LIX1L: variants seen among roughly 807,000 people sequenced by gnomAD.
LIX1L encodes the protein limb and CNS expressed 1 like.
Under a neutral mutation model 34.0 loss-of-function variants are expected in LIX1L, and 20 were observed. The observed-to-expected ratio is 0.59, with a 90% CI of 0.41 to 0.85. The LOEUF (loss-of-function observed/expected upper bound fraction) is 0.85, where lower values mean the gene tolerates loss of function less well. Ranked by LOEUF, LIX1L falls within the 40% of genes least tolerant of loss-of-function variation. LIX1L has a pLI of 0.00. For missense variants in LIX1L, 397 were observed against 447.0 expected, an observed-to-expected ratio of 0.89 and a Z score of 1.01; for synonymous variants, 170 against 187.4, an observed-to-expected ratio of 0.91 and a Z score of 0.76.
intron 1 of LIX1L, 73 bp downstream of exon 1, chr1:145,957,563 C>G: frequency 2.8e-5 from 38 of 1,377,330 alleles, no homozygotes; most frequent in Non-Finnish European, 3.4e-5. Flanking sequence ...CCAGGAAAAG[C>G]GATCCGGAGG....
At chr1:145,940,787 G>A (rs587687816) in intron 3 of LIX1L, among the ~76,000 whole-genome samples, 158 of 150,378 alleles carry the variant, frequency 1.1e-3, no homozygotes, top group African/African-American at 3.6e-3. Flanking sequence ...TCTTGACCTC[G>A]TGATCTGCCC....
chr1:145,936,600 T>C (rs781942223), intron 5 of LIX1L, 48 bp from the exon 6 acceptor site: 20 of 1,607,394 alleles, frequency 1.2e-5, no homozygotes, highest in Non-Finnish European at 1.6e-5. Flanking sequence ...TAAAGGTTCA[T>C]ATCATACCAC....
chr1:145,955,279 G>A (rs1649433230), intron 1 of LIX1L, among the ~76,000 whole-genome samples: 1 of 152,136 alleles, frequency 6.6e-6, no homozygotes. Context: ...GGGTGAGGGA[G>A]GCAGATAAAG....
chr1:145,957,356 G>C (rs1649509314), intron 1 of LIX1L, among the ~76,000 whole-genome samples: 1 of 152,198 alleles, frequency 6.6e-6, no homozygotes, highest in African/African-American at 2.4e-5. Flanking sequence ...GCTGGAGGAG[G>C]AATTCCATTT....
intron 1 of LIX1L, among the ~76,000 whole-genome samples, chr1:145,956,158 G>T (rs1649466286): frequency 6.6e-6 from 1 of 152,172 alleles, no homozygotes; most frequent in Non-Finnish European, 1.5e-5. Flanking sequence ...TTCCTCATGA[G>T]TTTCAGATTC....
intron 3 of LIX1L, among the ~76,000 whole-genome samples, chr1:145,938,354 T>A (rs1477661748): frequency 6.6e-6 from 1 of 152,050 alleles, no homozygotes; most frequent in Non-Finnish European, 1.5e-5. Flanking sequence ...CCTGCAGGGT[T>A]AGAATTAAGA....
At chr1:145,942,358 A>G in intron 3 of LIX1L, 1 of 166,616 alleles carries the variant, frequency 6.0e-6, no homozygotes, top group Non-Finnish European at 1.3e-5. Flanking sequence ...ATAAAAAAAG[A>G]ACTGCAGAAA....
rs73004701 is a variant in LIX1L at position 145,954,142 on chromosome 1, G to A, written c.292+3494C>T. 4.5e-3 allele frequency among the ~76,000 whole-genome samples: 689 copies of A among 152,102 alleles called. 5 individuals carry two copies. Among genetic ancestry groups the A allele is most frequent in the African/African-American group, 0.016 (654 of 41,498 alleles). On this transcript the variant is annotated intron_variant, in intron 1 of 5. Transcript: ENST00000604000. The stretch of plus-strand genomic sequence containing the variant: ...TTATAGTGATACAGCAATAAACCAC[G>A]TAATAAACCAATGTCAGCAGCCACC...
chr1:145,943,349 C>T (rs1648991378), intron 2 of LIX1L, among the ~76,000 whole-genome samples: 1 of 152,088 alleles, frequency 6.6e-6, no homozygotes, highest in Non-Finnish European at 1.5e-5. Context: ...CTTGGAATCT[C>T]GGACTTCATT....
rs893702728 is a variant in LIX1L, at chr1:145,948,028, T to A, written c.293-246A>T. On this transcript the variant is annotated intron_variant, in intron 1 of 5. Coordinates refer to ENST00000604000, the MANE Select transcript of LIX1L (RefSeq NM_153713.3). The surrounding 1 kb of genome is among the most constrained non-coding windows in gnomAD (Gnocchi z 4.0). ...TGGTTCACATTTTATTTTATTTAAA[T>A]TTTTTTTTCACTCCCACCTCCAATC... Among the ~76,000 whole-genome samples the A allele has an allele frequency of 2.0e-5, 3 of 151,826 alleles. No homozygotes were observed. The highest frequency in any genetic ancestry group is 4.8e-5 in the African/African-American group (2 of 41,336).
At chr1:145,942,666 G>A (rs2101898475) in intron 3 of LIX1L, 47 bp downstream of exon 3, 3 of 1,590,958 alleles carry the variant, frequency 1.9e-6, no homozygotes, top group Admixed American at 1.7e-5. Flanking sequence ...CAAGCAGCCA[G>A]TTCTCCCATC....
intron 3 of LIX1L, among the ~76,000 whole-genome samples, chr1:145,939,187 G>A (rs1294076592): frequency 6.6e-6 from 1 of 151,598 alleles, no homozygotes; most frequent in Non-Finnish European, 1.5e-5. Flanking sequence ...TCTTTATGTT[G>A]CCCAGGCTGT....
Position 145,957,880 on chromosome 1 carries a change from G to A in LIX1L, c.48C>T (p.Ser16=). 1 of 1,478,668 alleles carries A rather than the reference G, an allele frequency of 6.8e-7. No individual in the cohort carries two copies. Among genetic ancestry groups the A allele is most frequent in the Admixed American group, 2.5e-5 (1 of 40,654 alleles). 91.6% of individuals were successfully genotyped at this position (1,478,668 alleles called of 1,614,324 possible). ...AQRLQPGVGT[S]GRGTLRALRP... ...GCAGCGCTCGGAGAGTGCCCCTCCC[G>A]CTGGTGCCCACACCAGGCTGCAGCC... Residue 16 remains serine (S), a synonymous_variant, in exon 1 of 6, where the codon AGC becomes AGT. Transcript: ENST00000604000.
intron 1 of LIX1L, among the ~76,000 whole-genome samples, chr1:145,951,255 C>G (rs1553759814): frequency 6.6e-6 from 1 of 152,150 alleles, no homozygotes; most frequent in African/African-American, 2.4e-5. Context: ...CCATATTGGT[C>G]AGGCTGGTCT....
At position 145,947,851 on chromosome 1, in the gene LIX1L, C is replaced by T. The variant is rs1649166526; in HGVS notation, c.293-69G>A. 5.0e-6 allele frequency: 7 copies of T among 1,401,936 alleles called. No homozygotes were observed. In the Admixed American group the frequency reaches 5.1e-5, roughly 10 times the overall value. The allele number at this position is 1,401,936 out of a possible 1,614,324, so 86.8% of individuals were successfully genotyped here. On this transcript the variant is annotated intron_variant, in intron 1 of 5. Coordinates refer to ENST00000604000, the MANE Select transcript of LIX1L (RefSeq NM_153713.3). ...CTCCACGTGGTGCTATACTTCAATA[C>T]AGTACCTGTAACCTGTACCTACATT...
Position 145,948,258 on chromosome 1 carries a change from C to T in LIX1L, c.293-476G>A, listed in dbSNP as rs950205132. 1.3e-5 allele frequency among the ~76,000 whole-genome samples: 2 copies of T among 152,150 alleles called. No individual in the cohort carries two copies. Among genetic ancestry groups the T allele is most frequent in the Admixed American group, 6.5e-5 (1 of 15,274 alleles). On this transcript the variant is annotated intron_variant, in intron 1 of 5. Transcript: ENST00000604000. The surrounding 1 kb of genome is among the most constrained non-coding windows in gnomAD (Gnocchi z 4.0). ...GTCACCCATTTCTGTAACTGCTTTA[C>T]GTGTTTAATCACAGCAACTTTATGA...
chr1:145,944,962 AG>A (rs1440666210), intron 2 of LIX1L, among the ~76,000 whole-genome samples: 1 of 151,960 alleles, frequency 6.6e-6, no homozygotes, highest in Non-Finnish European at 1.5e-5. Flanking sequence ...CATGAAGTTA[AG>A]GCTGCAGTGA....
rs1649160251 is a variant in LIX1L, at chr1:145,947,654, T to G, written c.421A>C (p.Thr141Pro). ...SNSPPYVCYV[T>P]LPGGSCFGSF... ...CCAAAGCAGCTTCCCCCAGGCAGGG[T>G]GACATAGCAGACATAAGGAGGGCTG... Residue 141 changes from threonine (T) to proline (P), a missense_variant, in exon 2 of 6, where the codon ACC (threonine) becomes CCC (proline). Physicochemically the swap from Thr to Pro is conservative, Grantham distance 38. Transcript: ENST00000604000. The G allele has an allele frequency of 1.2e-6, 2 of 1,613,940 alleles. No homozygotes were observed. The highest frequency in any genetic ancestry group is 3.3e-5 in the Admixed American group (2 of 59,984).
In LIX1L at chr1:145,948,186, G is replaced by A. The variant is rs1553759450; in HGVS notation, c.293-404C>T. On this transcript the variant is annotated intron_variant, in intron 1 of 5. Transcript: ENST00000604000. This position sits in a 1 kb window ranked among gnomAD's most constrained non-coding sequence, Gnocchi z 4.0. ...TTCCACAGTTGGTTAGCTGGCCCAG[G>A]ATGATAATAACCACCACAATAAGTG... is the stretch of plus-strand genomic sequence containing the variant. 6.6e-6 allele frequency among the ~76,000 whole-genome samples: 1 copy of A among 152,158 alleles called. No homozygotes were observed. Among genetic ancestry groups the A allele is most frequent in the African/African-American group, 2.4e-5 (1 of 41,430 alleles).
Sources: allele counts gnomAD v4.1 joint callset (sites outside exome capture counted in the v4.1 genomes callset), GRCh38; gene constraint gnomAD v4.1.1; non-coding constraint Gnocchi (gnomAD v3.1); transcripts MANE v1.5; gene names NCBI Gene and HGNC (gene_info 2026-07-23, HGNC 2026-07-21).